The following CREB5 variants were observed in gnomAD, a reference collection of about 807,000 sequenced individuals.
The protein encoded by CREB5 is cyclic AMP-responsive element-binding protein 5.
CREB5 carries 19 observed loss-of-function variants against 57.1 expected under a neutral mutation model. That is an observed-to-expected ratio of 0.33 (90% CI 0.23 to 0.49). CREB5 has a LOEUF of 0.49. Among genes scored for constraint, CREB5 ranks in the 20% least tolerant of loss-of-function variants. The pLI, the probability that CREB5 is intolerant of heterozygous loss-of-function variation, is 0.99. For missense variants in CREB5, 579 were observed against 671.6 expected (o/e 0.86, Z 1.52); for synonymous variants, 238 against 238.3 (o/e 1.00, Z 0.01).
At chr7:28,545,959 C>A (rs879934483) in intron 4 of CREB5, among the ~76,000 whole-genome samples, 1 of 152,176 alleles carries the variant, frequency 6.6e-6, no homozygotes, top group African/African-American at 2.4e-5. Context: ...TCTGAATGTA[C>A]CCATTTTATT....
chr7:28,719,871 C>A (rs2299109), intron 6 of CREB5, among the ~76,000 whole-genome samples: 2 of 151,956 alleles, frequency 1.3e-5, no homozygotes, highest in Non-Finnish European at 2.9e-5. Flanking sequence ...ACCAGCCTGG[C>A]CAACATGGTG....
intron 5 of CREB5, among the ~76,000 whole-genome samples, chr7:28,644,225 T>C (rs1319376406): frequency 3.3e-5 from 5 of 152,106 alleles, no homozygotes; most frequent in African/African-American, 1.2e-4. Flanking sequence ...TCCTGTAATG[T>C]AGCTGAGTGT....
chr7:28,518,993 G>T (rs1330935602), intron 4 of CREB5, among the ~76,000 whole-genome samples: 3 of 152,268 alleles, frequency 2.0e-5, no homozygotes, highest in Non-Finnish European at 2.9e-5. Context: ...CATTAAAACT[G>T]GTTCCTAGGT....
chr7:28,570,595 G>C, intron 5 of CREB5, 58 bp downstream of exon 5: 1 of 1,567,756 alleles, frequency 6.4e-7, no homozygotes, highest in East Asian at 2.3e-5. Flanking sequence ...AAATGTCCTG[G>C]ACTTCCTCCT....
chr7:28,357,849 G>T (rs377110129), intron 1 of CREB5, among the ~76,000 whole-genome samples: 2 of 152,244 alleles, frequency 1.3e-5, no homozygotes, highest in African/African-American at 2.4e-5. Context: ...AAGTGGCTGT[G>T]GTTCATGAAA....
rs773765460 is a variant in CREB5, at chr7:28,718,888, T to G, written c.591+9T>G. ...CCGCCGTCTTGATGCCAGTAAGTGT[T>G]TCTGTGTGTCTCACAATAGCTTGTC... On this transcript the variant is annotated intron_variant, in intron 6 of 10. Coordinates refer to ENST00000357727, the MANE Select transcript of CREB5 (RefSeq NM_182898.4). 1 of 1,614,022 alleles carries G rather than the reference T, an allele frequency of 6.2e-7. No individual in the cohort carries two copies. Among genetic ancestry groups the G allele is most frequent in the South Asian group, 1.1e-5 (1 of 91,074 alleles).
chr7:28,468,618 G>A (rs1859020), intron 1 of CREB5, among the ~76,000 whole-genome samples: 99,302 of 152,060 alleles, frequency 0.65, 32,566 homozygotes, highest in Middle Eastern at 0.72. Flanking sequence ...CCTACAGGTC[G>A]GTTGAACTCC....
chr7:28,401,659 G>A (rs1408451008), intron 1 of CREB5, among the ~76,000 whole-genome samples: 3 of 152,058 alleles, frequency 2.0e-5, no homozygotes, highest in African/African-American at 4.8e-5. Context: ...GAGAACATGC[G>A]GTGTTTGGTT....
intron 1 of CREB5, among the ~76,000 whole-genome samples, chr7:28,381,649 T>C (rs1422911706): frequency 6.6e-6 from 1 of 152,046 alleles, no homozygotes; most frequent in Non-Finnish European, 1.5e-5. Context: ...AAACCAAGAG[T>C]ACCCTGGCAG....
At position 28,824,040 on chromosome 7, in the gene CREB5, T is replaced by A. The variant is rs1333562777; in HGVS notation, c.*4761T>A. On this transcript the variant is annotated 3_prime_UTR_variant, in exon 11 of 11. Transcript: ENST00000357727. ...TCCTCAAACTTGCCTTTGCTCTCCT[T>A]TACAATACCCCCCACCCCTCCTCCA... 1.3e-5 allele frequency: 2 copies of A among 152,576 alleles called. No homozygotes were observed. Among genetic ancestry groups the A allele is most frequent in the Non-Finnish European group, 2.9e-5 (2 of 68,088 alleles). The allele number at this position is 152,576 out of a possible 1,614,324, so 9.5% of individuals were successfully genotyped here. A position where few individuals can be genotyped will look rare whatever the true frequency, so the allele number is the denominator to read the frequency against.
At chr7:28,583,124 T>C (rs1469629515) in intron 5 of CREB5, among the ~76,000 whole-genome samples, 2 of 152,224 alleles carry the variant, frequency 1.3e-5, no homozygotes, top group African/African-American at 4.8e-5. Context: ...CCACAGCAGC[T>C]TCACATATGT....
Position 28,551,899 on chromosome 7 carries a change from C to CTT in CREB5, c.292-18465_292-18464insTT, listed in dbSNP as rs969606136. Among the ~76,000 whole-genome samples, 20 of 120,340 alleles carry CTT rather than the reference C, an allele frequency of 1.7e-4. 1 individual carries two copies. The East Asian group carries it at 5.0e-3, about 30-fold the overall frequency. The allele number at this position is 120,340 out of a possible 152,430, so 78.9% of individuals were successfully genotyped here. ...CTTTCTTTCTTTTCTTTCTTTCTTTCTCTTTTCTTTTCTTTCTCTTTTTTC... is the reference window on the plus strand; with the variant it reads ...CTTTCTTTCTTTTCTTTCTTTCTTTCTTTCTTTTCTTTTCTTTCTCTTTTTTC... On this transcript the variant is annotated intron_variant, in intron 4 of 10. Transcript: ENST00000357727.
intron 4 of CREB5, among the ~76,000 whole-genome samples, chr7:28,533,336 G>GA: frequency 6.6e-6 from 1 of 152,224 alleles, no homozygotes; most frequent in African/African-American, 2.4e-5. Context: ...AAACTTTAGG[G>GA]AAAAAAAGTA....
intron 1 of CREB5, among the ~76,000 whole-genome samples, chr7:28,377,080 C>T (rs767170985): frequency 3.9e-5 from 6 of 152,130 alleles, no homozygotes; most frequent in Non-Finnish European, 5.9e-5. Flanking sequence ...AGAACATATC[C>T]GATGACAGGC....
chr7:28,780,930 C>G (rs1450791926), intron 7 of CREB5, among the ~76,000 whole-genome samples: 2 of 152,138 alleles, frequency 1.3e-5, no homozygotes, highest in Non-Finnish European at 2.9e-5. Context: ...TTCAAACTGT[C>G]TTAGCCAAAA....
At chr7:28,542,420 C>T (rs1216136699) in intron 4 of CREB5, among the ~76,000 whole-genome samples, 3 of 152,166 alleles carry the variant, frequency 2.0e-5, no homozygotes, top group African/African-American at 7.2e-5. Flanking sequence ...TGCCAATGTT[C>T]CTTTATGTCT....
intron 1 of CREB5, among the ~76,000 whole-genome samples, chr7:28,313,803 C>A (rs150003561): frequency 3.0e-4 from 46 of 152,290 alleles, no homozygotes; most frequent in Non-Finnish European, 5.6e-4. Context: ...GGCACACACG[C>A]CACTTGCTGA....
chr7:28,665,896 G>A (rs1799804713), intron 5 of CREB5, among the ~76,000 whole-genome samples: 1 of 152,014 alleles, frequency 6.6e-6, no homozygotes, highest in South Asian at 2.1e-4. Context: ...CAAGTCTAAA[G>A]CACAAGGAAG....
chr7:28,424,166 G>C (rs938829560), intron 1 of CREB5, among the ~76,000 whole-genome samples: 12 of 152,170 alleles, frequency 7.9e-5, no homozygotes, highest in Non-Finnish European at 1.5e-4. Context: ...TATTACATGA[G>C]AGCCCACACT....
Sources: gnomAD v4.1 joint callset for allele counts (sites outside exome capture counted in the v4.1 genomes callset) on GRCh38, gnomAD v4.1.1 for gene constraint, MANE v1.5 for transcripts, NCBI Gene and HGNC (gene_info 2026-07-23, HGNC 2026-07-21) for gene names.